Variants in RASGEF1B observed in about 807,000 individuals in gnomAD.
The protein encoded by RASGEF1B is RasGEF domain family member 1B.
RASGEF1B carries 30 observed loss-of-function variants against 65.7 expected under a neutral mutation model. The ratio of observed to expected loss-of-function variants is 0.46; its 90% CI spans 0.34 to 0.62. The LOEUF is 0.62. Ranked by LOEUF, RASGEF1B falls within the 20% of genes least tolerant of loss-of-function variation. The probability of loss-of-function intolerance (pLI) is 0.01; values close to 1 mark genes in which losing one functional copy is unlikely to be tolerated. For missense variants in RASGEF1B, 495 were observed against 580.1 expected (o/e 0.85, Z 1.51); for synonymous variants, 175 against 194.8 (o/e 0.90, Z 0.85).
Position 81,467,120 on chromosome 4 carries a change from G to GAA in RASGEF1B, c.-7+4648_-7+4649dup, listed in dbSNP as rs34235409. Among the ~76,000 whole-genome samples, 414 of 150,760 alleles carry GAA rather than the reference G, an allele frequency of 2.7e-3. 1 individual carries two copies. The highest frequency in any genetic ancestry group is 9.2e-3 in the African/African-American group (379 of 41,072). ...TTAGTAGATTTCACAGTTAAGGGAG[G>GAA]AAAAAAAAATCAGTATTTTTGAGGA... On this transcript the variant is annotated intron_variant, in intron 1 of 13. Coordinates refer to ENST00000264400, the MANE Select transcript of RASGEF1B (RefSeq NM_152545.3).
intron 3 of RASGEF1B, 142 bp downstream of exon 3, chr4:81,457,357 T>C: frequency 1.4e-6 from 1 of 737,570 alleles, no homozygotes; most frequent in Non-Finnish European, 2.2e-6. Context: ...TTTATACCAT[T>C]CACAATTCCC....
intron 1 of RASGEF1B, among the ~76,000 whole-genome samples, chr4:81,466,776 AAG>A (rs1491559419): frequency 1.0e-4 from 14 of 136,216 alleles, no homozygotes; most frequent in African/African-American, 3.8e-4. Flanking sequence ...AAAAAAAAGA[AAG>A]AAAGAAAGAA....
chr4:81,437,645 C>G (rs1721676984), intron 10 of RASGEF1B, among the ~76,000 whole-genome samples: 2 of 152,158 alleles, frequency 1.3e-5, no homozygotes, highest in Admixed American at 1.3e-4. Flanking sequence ...AGGCTATTAC[C>G]TTACATGATT....
At chr4:81,445,072 A>C (rs1403491599) in intron 8 of RASGEF1B, among the ~76,000 whole-genome samples, 2 of 152,242 alleles carry the variant, frequency 1.3e-5, no homozygotes, top group African/African-American at 4.8e-5. Context: ...GATATAGAGG[A>C]GTGAGTTTGT....
intron 1 of RASGEF1B, among the ~76,000 whole-genome samples, chr4:81,468,376 G>C (rs879490812): frequency 6.6e-6 from 1 of 152,056 alleles, no homozygotes; most frequent in Non-Finnish European, 1.5e-5. Flanking sequence ...GAAAGATATT[G>C]GTAGTCCAGG....
chr4:81,461,365 T>C (rs1029823033), intron 1 of RASGEF1B, among the ~76,000 whole-genome samples: 23 of 152,194 alleles, frequency 1.5e-4, no homozygotes, highest in Non-Finnish European at 3.4e-4. Context: ...TTAAAAAGTT[T>C]TAGATGTTTA....
intron 4 of RASGEF1B, chr4:81,456,285 C>T: frequency 5.3e-6 from 3 of 563,210 alleles, no homozygotes; most frequent in Non-Finnish European, 9.4e-6. Context: ...ACTTTGTATC[C>T]ACTAGTGTTT....
rs1380839729 is a variant in RASGEF1B, at chr4:81,471,907, T to A, written c.-144A>T. ...AACCAGTCGGGTTCCTTGTTTATAC[T>A]GAAACTACGGCAGCCGCCGCCGCGC... On this transcript the variant is annotated 5_prime_UTR_variant, in exon 1 of 14. Transcript: ENST00000264400. 1 of 152,676 alleles carries A rather than the reference T, an allele frequency of 6.5e-6. No homozygotes were observed. The highest frequency in any genetic ancestry group is 2.4e-5 in the African/African-American group (1 of 41,438). 9.5% of individuals were successfully genotyped at this position (152,676 alleles called of 1,614,324 possible). A position where few individuals can be genotyped will look rare whatever the true frequency, so the allele number is the denominator to read the frequency against.
intron 10 of RASGEF1B, among the ~76,000 whole-genome samples, chr4:81,435,215 T>G (rs1721568935): frequency 6.6e-6 from 1 of 151,696 alleles, no homozygotes; most frequent in Non-Finnish European, 1.5e-5. Flanking sequence ...ATCAAGACCA[T>G]CCTGGCTAAC....
intron 1 of RASGEF1B, among the ~76,000 whole-genome samples, chr4:81,462,042 G>A (rs1055811596): frequency 6.6e-6 from 1 of 152,230 alleles, no homozygotes; most frequent in Non-Finnish European, 1.5e-5. Flanking sequence ...TTCCTGCAGA[G>A]TAGACAAGAG....
intron 1 of RASGEF1B, among the ~76,000 whole-genome samples, chr4:81,465,037 T>A (rs1229656763): frequency 2.7e-5 from 4 of 149,370 alleles, no homozygotes; most frequent in Non-Finnish European, 5.9e-5. Flanking sequence ...TGAGCTAAGA[T>A]CGTGCCATTG....
At chr4:81,461,508 T>C (rs1039707843) in intron 1 of RASGEF1B, among the ~76,000 whole-genome samples, 1 of 152,190 alleles carries the variant, frequency 6.6e-6, no homozygotes, top group Admixed American at 6.5e-5. Context: ...TCTAACAAAG[T>C]GCTTTTGGGA....
intron 13 of RASGEF1B, among the ~76,000 whole-genome samples, chr4:81,428,883 TA>T (rs1315706426): frequency 7.2e-5 from 11 of 152,384 alleles, no homozygotes; most frequent in African/African-American, 2.6e-4. Context: ...TGCTTAATCT[TA>T]GTATCCACTT....
At chr4:81,448,506 G>C (rs1342190545) in intron 4 of RASGEF1B, among the ~76,000 whole-genome samples, 1 of 152,168 alleles carries the variant, frequency 6.6e-6, no homozygotes, top group Non-Finnish European at 1.5e-5. Flanking sequence ...TTGCGACTGA[G>C]AGTACAGTTC....
chr4:81,436,086 A>G (rs1253151102), intron 10 of RASGEF1B, among the ~76,000 whole-genome samples: 1 of 152,112 alleles, frequency 6.6e-6, no homozygotes, highest in Non-Finnish European at 1.5e-5. Flanking sequence ...CCAGCCATGT[A>G]CCAAGATTTT....
intron 1 of RASGEF1B, among the ~76,000 whole-genome samples, chr4:81,460,291 G>A (rs1722597938): frequency 6.6e-6 from 1 of 152,198 alleles, no homozygotes; most frequent in African/African-American, 2.4e-5. Context: ...GGCCTTGTCA[G>A]AGGGTGCTCT....
chr4:81,441,822 C>T (rs971441314), intron 9 of RASGEF1B, among the ~76,000 whole-genome samples: 11 of 152,098 alleles, frequency 7.2e-5, no homozygotes, highest in African/African-American at 2.2e-4. Flanking sequence ...GGATTACAGG[C>T]GTGAGCCACT....
At chr4:81,442,194 T>C (rs1721862124) in intron 9 of RASGEF1B, 103 bp downstream of exon 9, 1 of 781,626 alleles carries the variant, frequency 1.3e-6, no homozygotes, top group Non-Finnish European at 2.2e-6. Flanking sequence ...ATAGATGGGC[T>C]TTTTCCTCTG....
At chr4:81,434,551 C>T (rs1458998834) in intron 11 of RASGEF1B, 88 bp downstream of exon 11, 1 of 768,696 alleles carries the variant, frequency 1.3e-6, no homozygotes, top group East Asian at 2.6e-5. Context: ...GCAGAATTGG[C>T]TTTGGCTGCC....
Sources: gnomAD v4.1 joint callset for allele counts (sites outside exome capture counted in the v4.1 genomes callset) on GRCh38, gnomAD v4.1.1 for gene constraint, MANE v1.5 for transcripts, NCBI Gene and HGNC (gene_info 2026-07-23, HGNC 2026-07-21) for gene names.